The following EPHB1 variants were observed in gnomAD, a reference collection of about 807,000 sequenced individuals.
EPHB1 encodes the protein EPH receptor B1.
EPHB1 carries 30 observed loss-of-function variants against 94.4 expected under a neutral mutation model. That is an observed-to-expected ratio of 0.32 (90% CI 0.24 to 0.43). EPHB1 has a LOEUF of 0.43. Among genes scored for constraint, EPHB1 ranks in the 20% least tolerant of loss-of-function variants. The probability of loss-of-function intolerance (pLI) is 1.00; values close to 1 mark genes in which losing one functional copy is unlikely to be tolerated. For missense variants in EPHB1, 1,055 were observed against 1,308.3 expected (o/e 0.81, Z 2.99); for synonymous variants, 522 against 489.1 (o/e 1.07, Z -0.89).
chr3:134,816,043 C>T (rs1360539176), intron 1 of EPHB1, among the ~76,000 whole-genome samples: 1 of 2,922 alleles, frequency 3.4e-4, no homozygotes, highest in Non-Finnish European at 1.1e-3. Flanking sequence ...TGTCCTTCTG[C>T]CTCTGAGGTA....
At chr3:134,871,008 A>T (rs1339232262) in intron 1 of EPHB1, among the ~76,000 whole-genome samples, 1 of 152,168 alleles carries the variant, frequency 6.6e-6, no homozygotes. Context: ...GGTGCCCCTT[A>T]GGCCCCTGGA....
intron 3 of EPHB1, among the ~76,000 whole-genome samples, chr3:134,971,827 C>A (rs1016714862): frequency 4.6e-5 from 7 of 152,176 alleles, no homozygotes; most frequent in African/African-American, 1.7e-4. Flanking sequence ...ATGTTGTCTT[C>A]TATTTCCATC....
chr3:134,850,084 C>T (rs1210693220), intron 1 of EPHB1, among the ~76,000 whole-genome samples: 2 of 152,174 alleles, frequency 1.3e-5, no homozygotes, highest in Non-Finnish European at 2.9e-5. Flanking sequence ...ACTGTGGCTC[C>T]AGGGAAGACA....
chr3:135,205,543 A>G (rs1383171322), intron 12 of EPHB1, among the ~76,000 whole-genome samples: 1 of 152,112 alleles, frequency 6.6e-6, no homozygotes, highest in African/African-American at 2.4e-5. Context: ...GGGCTATTTT[A>G]TTGGGAAGGG....
chr3:135,130,681 T>C (rs1940385172), intron 4 of EPHB1, among the ~76,000 whole-genome samples: 1 of 152,122 alleles, frequency 6.6e-6, no homozygotes, highest in South Asian at 2.1e-4. Flanking sequence ...GAGGGATGGA[T>C]GATCACTCTC....
At chr3:134,799,858 A>G (rs956427369) in intron 1 of EPHB1, among the ~76,000 whole-genome samples, 7 of 152,300 alleles carry the variant, frequency 4.6e-5, no homozygotes, top group Middle Eastern at 3.4e-3. Context: ...ACCCATCGAG[A>G]AGTAATCTTT....
intron 9 of EPHB1, among the ~76,000 whole-genome samples, chr3:135,172,815 T>G (rs1941843255): frequency 6.6e-6 from 1 of 152,230 alleles, no homozygotes; most frequent in Admixed American, 6.5e-5. Context: ...ATAAATTTTA[T>G]GAGCTAGATT....
At chr3:135,208,290 CGTGTGTGTGTGTGTGT>C (rs55947191) in intron 12 of EPHB1, among the ~76,000 whole-genome samples, 43 of 142,782 alleles carry the variant, frequency 3.0e-4, no homozygotes, top group Middle Eastern at 3.7e-3. Flanking sequence ...CCTTTCATGA[CGTGTGTGTGTGTGTGT>C]GTGTGTGTGT....
chr3:134,868,081 T>A (rs763791515), intron 1 of EPHB1, among the ~76,000 whole-genome samples: 3 of 152,176 alleles, frequency 2.0e-5, no homozygotes, highest in Non-Finnish European at 4.4e-5. Flanking sequence ...GAGTTAAGGT[T>A]TAATGAAAAG....
intron 3 of EPHB1, among the ~76,000 whole-genome samples, chr3:135,005,848 G>A (rs910979203): frequency 2.6e-4 from 40 of 152,284 alleles, no homozygotes; most frequent in African/African-American, 8.4e-4. Flanking sequence ...ACTGACCTGC[G>A]CCCACTGTCT....
At chr3:134,919,274 G>A (rs1037362520) in intron 1 of EPHB1, among the ~76,000 whole-genome samples, 3 of 152,210 alleles carry the variant, frequency 2.0e-5, no homozygotes, top group Admixed American at 6.5e-5. Context: ...AGAATTGCTG[G>A]AGGGAGAAGA....
chr3:135,051,027 G>A (rs1339658388), intron 3 of EPHB1, among the ~76,000 whole-genome samples: 1 of 152,166 alleles, frequency 6.6e-6, no homozygotes, highest in Non-Finnish European at 1.5e-5. Flanking sequence ...GGGCACCCAA[G>A]TGGGTCTTCC....
intron 1 of EPHB1, among the ~76,000 whole-genome samples, chr3:134,805,804 C>G (rs1181617788): frequency 6.6e-6 from 1 of 152,168 alleles, no homozygotes; most frequent in African/African-American, 2.4e-5. Context: ...TCGCTTCCTC[C>G]TGGAAGGCTT....
intron 1 of EPHB1, among the ~76,000 whole-genome samples, chr3:134,884,331 T>C (rs1403492666): frequency 1.3e-5 from 2 of 152,256 alleles, no homozygotes; most frequent in Non-Finnish European, 2.9e-5. Context: ...ATTCTGGGCA[T>C]GAGTGATCAT....
chr3:135,067,003 T>C (rs941637415), intron 3 of EPHB1, among the ~76,000 whole-genome samples: 1 of 152,210 alleles, frequency 6.6e-6, no homozygotes, highest in Non-Finnish European at 1.5e-5. Flanking sequence ...CTCTGGGCTG[T>C]TACTGGGGGT....
chr3:134,968,662 G>C (rs527865992), intron 3 of EPHB1, among the ~76,000 whole-genome samples: 56 of 152,208 alleles, frequency 3.7e-4, no homozygotes, highest in African/African-American at 1.3e-3. Context: ...GCATAGATTT[G>C]TGTAACCACT....
chr3:135,236,923 C>A (rs753590744), intron 12 of EPHB1, among the ~76,000 whole-genome samples: 1 of 152,172 alleles, frequency 6.6e-6, no homozygotes, highest in Non-Finnish European at 1.5e-5. Flanking sequence ...TGGAAAACTT[C>A]ATACTTGGGT....
chr3:135,059,367 T>G (rs1024263445), intron 3 of EPHB1, among the ~76,000 whole-genome samples: 5 of 152,220 alleles, frequency 3.3e-5, no homozygotes, highest in Non-Finnish European at 7.3e-5. Context: ...ACTTTTCTCC[T>G]GGAGGGTTGG....
intron 12 of EPHB1, among the ~76,000 whole-genome samples, chr3:135,236,322 C>A (rs1032219914): frequency 6.6e-6 from 1 of 151,978 alleles, no homozygotes; most frequent in Non-Finnish European, 1.5e-5. Flanking sequence ...TTCATTCGGC[C>A]TTCTTATAAG....
Sources: gnomAD v4.1 joint callset for allele counts (sites outside exome capture counted in the v4.1 genomes callset) on GRCh38, gnomAD v4.1.1 for gene constraint, MANE v1.5 for transcripts, NCBI Gene and HGNC (gene_info 2026-07-23, HGNC 2026-07-21) for gene names.